Variants in PBRM1 observed in about 807,000 individuals in gnomAD.
PBRM1 encodes the protein polybromo 1.
PBRM1 carries 27 observed loss-of-function variants against 194.5 expected under a neutral mutation model. That is an observed-to-expected ratio of 0.14 (90% CI 0.10 to 0.19). The LOEUF (loss-of-function observed/expected upper bound fraction) is 0.19. PBRM1 is among the 10% of genes least tolerant of loss of function. The pLI is 1.00. For synonymous variants in PBRM1, 655 were observed against 693.2 expected (o/e 0.94, Z 0.87); for missense variants, 1,466 against 2,077.2 (o/e 0.71, Z 5.72).
At chr3:52,668,427 AAATATT>A in intron 3 of PBRM1, 65 bp downstream of exon 4, 1 of 1,147,006 alleles carries the variant, frequency 8.7e-7, no homozygotes, top group East Asian at 2.8e-5. Context: ...CCAGGTTTAT[AAATATT>A]AAGAAGCCAA....
intron 2 of PBRM1, among the ~76,000 whole-genome samples, chr3:52,673,671 C>CAAAAAA (rs1324914906): frequency 1.0e-4 from 4 of 39,236 alleles, no homozygotes; most frequent in Admixed American, 2.7e-4. Context: ...GACTCCATCT[C>CAAAAAA]AAAAAAAAAA....
At chr3:52,603,285 C>T (rs182306035) in intron 17 of PBRM1, among the ~76,000 whole-genome samples, 105 of 152,360 alleles carry the variant, frequency 6.9e-4, no homozygotes, top group Non-Finnish European at 1.2e-3. Context: ...AATTAACTGA[C>T]TCTTTTCCTG....
chr3:52,546,433 T>C (rs1335647196), downstream of PBRM1: 2 of 229,362 alleles, frequency 8.7e-6, no homozygotes, highest in East Asian at 1.3e-4. Context: ...TCAAATCCAG[T>C]GGTTGACTAA....
chr3:52,570,059 C>T (rs1367544295), intron 22 of PBRM1, among the ~76,000 whole-genome samples: 1 of 152,186 alleles, frequency 6.6e-6, no homozygotes, highest in Non-Finnish European at 1.5e-5. Context: ...GCAACCTCCA[C>T]CTCCCAAGTT....
At position 52,596,755 on chromosome 3, in the gene PBRM1, C is replaced by T. The variant is rs961768154; in HGVS notation, c.2779+6766G>A. On this transcript the variant is annotated intron_variant, in intron 17 of 29. Transcript: ENST00000296302. ...CCTCTTTACTCTTCCCTCTCCTCTC[C>T]TCAAGTGGAGGAAGATGACTTTTTC... Among the ~76,000 whole-genome samples, 3 of 152,056 alleles carry T rather than the reference C, an allele frequency of 2.0e-5. No homozygotes were observed. The East Asian group carries it at 5.8e-4, about 29-fold the overall frequency.
chr3:52,633,373 A>G (rs2095686670), intron 11 of PBRM1, among the ~76,000 whole-genome samples: 1 of 152,172 alleles, frequency 6.6e-6, no homozygotes, highest in Non-Finnish European at 1.5e-5. Flanking sequence ...ATTGAATAAT[A>G]TTCCATTGTA....
chr3:52,615,024 A>T (rs4234635), intron 15 of PBRM1, among the ~76,000 whole-genome samples: 1 of 152,170 alleles, frequency 6.6e-6, no homozygotes, highest in African/African-American at 2.4e-5. Flanking sequence ...TCAGACATAC[A>T]TACCAAGGAA....
At chr3:52,595,803 C>G (rs998365102) in intron 17 of PBRM1, among the ~76,000 whole-genome samples, 2 of 152,168 alleles carry the variant, frequency 1.3e-5, no homozygotes, top group Admixed American at 1.3e-4. Flanking sequence ...AGTCTTTAAT[C>G]CATTTTGATT....
intron 17 of PBRM1, among the ~76,000 whole-genome samples, chr3:52,593,357 C>A (rs1324045140): frequency 6.6e-6 from 1 of 152,092 alleles, no homozygotes; most frequent in Non-Finnish European, 1.5e-5. Flanking sequence ...GTGCCTCAGC[C>A]TTCCGAATAG....
chr3:52,617,134 A>C (rs959240570), intron 14 of PBRM1, 128 bp downstream of exon 16: 2 of 674,280 alleles, frequency 3.0e-6, no homozygotes, highest in African/African-American at 3.6e-5. Flanking sequence ...AAGAAAAATC[A>C]ATTAACCTAG....
chr3:52,571,099 C>T (rs1051657228), intron 22 of PBRM1, among the ~76,000 whole-genome samples: 3 of 140,722 alleles, frequency 2.1e-5, no homozygotes, highest in African/African-American at 3.2e-5. Flanking sequence ...CCGAGGCAGG[C>T]GCCTCACGAG....
downstream of PBRM1, chr3:52,547,043 T>C (rs2079770201): frequency 8.6e-6 from 2 of 233,290 alleles, no homozygotes; most frequent in South Asian, 3.6e-4. Flanking sequence ...ATACAGCTCA[T>C]ATCTAGTTCC....
intron 25 of PBRM1, chr3:52,560,603 C>G (rs549399793): frequency 3.9e-5 from 6 of 152,272 alleles, no homozygotes; most frequent in Admixed American, 2.6e-4. Context: ...TTAGCACTCC[C>G]CTTGATAAGG....
intron 2 of PBRM1, among the ~76,000 whole-genome samples, chr3:52,674,073 T>G (rs1365090024): frequency 6.6e-6 from 1 of 150,804 alleles, no homozygotes; most frequent in African/African-American, 2.4e-5. Flanking sequence ...TATATATAGA[T>G]ATATATATAG....
At chr3:52,576,076 G>A (rs1198508114) in intron 22 of PBRM1, among the ~76,000 whole-genome samples, 5 of 152,062 alleles carry the variant, frequency 3.3e-5, no homozygotes, top group Admixed American at 2.6e-4. Context: ...AAAATGAAGA[G>A]TCTGAGAGAC....
intron 3 of PBRM1, among the ~76,000 whole-genome samples, chr3:52,665,631 G>C (rs1379437848): frequency 6.6e-6 from 1 of 152,312 alleles, no homozygotes; most frequent in Middle Eastern, 3.4e-3. Context: ...TCTCATAGGA[G>C]TGTGAACCCT....
chr3:52,562,061 C>T (rs2083676088), intron 24 of PBRM1, 93 bp from the exon 27 acceptor site: 1 of 906,992 alleles, frequency 1.1e-6, no homozygotes, highest in Non-Finnish European at 1.8e-6. Flanking sequence ...GTGGCTCACA[C>T]CTGTAATCCC....
At chr3:52,567,399 G>C (rs1007107541) in intron 22 of PBRM1, among the ~76,000 whole-genome samples, 3 of 151,640 alleles carry the variant, frequency 2.0e-5, no homozygotes, top group Non-Finnish European at 4.4e-5. Context: ...TGGGTTAAAG[G>C]GTATGTATAC....
intron 20 of PBRM1, among the ~76,000 whole-genome samples, chr3:52,580,970 A>T (rs1387146176): frequency 6.6e-6 from 1 of 152,240 alleles, no homozygotes. Flanking sequence ...GGTAAAGAAG[A>T]ACCATCATTT....
Sources: allele counts gnomAD v4.1 joint callset (sites outside exome capture counted in the v4.1 genomes callset), GRCh38; gene constraint gnomAD v4.1.1; transcripts MANE v1.5; gene names NCBI Gene and HGNC (gene_info 2026-07-23, HGNC 2026-07-21).